The following ZNF625 variants were observed in gnomAD, a reference collection of about 807,000 sequenced individuals.
ZNF625 encodes the protein zinc finger protein 625.
A neutral mutation model predicts 11.1 loss-of-function variants in ZNF625; 8 were observed. That is an observed-to-expected ratio of 0.72 (90% confidence interval 0.42 to 1.30). ZNF625 has a LOEUF of 1.30. Among genes scored for constraint, ZNF625 ranks in the 50% most tolerant of loss-of-function variants. The probability of loss-of-function intolerance (pLI) is 0.01; values close to 1 mark genes in which losing one functional copy is unlikely to be tolerated. For missense variants in ZNF625, 349 were observed against 447.6 expected, an observed-to-expected ratio of 0.78 and a Z score of 1.99; for synonymous variants, 145 against 153.4, an observed-to-expected ratio of 0.95 and a Z score of 0.41.
intron 1 of ZNF625, among the ~76,000 whole-genome samples, chr19:12,154,973 TGGGAGGCGGA>T (rs566085002): frequency 3.3e-4 from 50 of 152,200 alleles, no homozygotes; most frequent in African/African-American, 9.4e-4. Flanking sequence ...CCTAGCACTT[TGGGAGGCGGA>T]GGGAGGCGGA....
chr19:12,146,099 C>A lies in ZNF625; in HGVS notation c.317G>T (p.Ser106Ile). ...CCTATTAAGGGATGCATGACCCACG[C>A]TGACTTCTCCACATGATTTTACTCG... ...TPRVKSCGEV[S>I]VGHASLNRHH... The change falls in exon 4 of 4, where the codon AGC becomes ATC. Residue 106 changes from serine (S) to isoleucine (I), a missense_variant. Physicochemically the swap from Ser to Ile is moderately radical, Grantham distance 142 (BLOSUM62 -2). Coordinates refer to ENST00000439556, the MANE Select transcript of ZNF625 (RefSeq NM_145233.4). The A allele has an allele frequency of 6.2e-7, 1 of 1,614,162 alleles. No individual in the cohort carries two copies. Among genetic ancestry groups the A allele is most frequent in the South Asian group, 1.1e-5 (1 of 91,084 alleles).
At chr19:12,147,866 T>C (rs1181131887) in intron 1 of ZNF625, 64 bp from the exon 2 acceptor site, 1 of 1,577,726 alleles carries the variant, frequency 6.3e-7, no homozygotes, top group East Asian at 2.2e-5. Context: ...TCCTATACTC[T>C]ATTCCTACAA....
At chr19:12,147,358 T>C (rs1244084251) in intron 3 of ZNF625, 37 bp downstream of exon 3, 9 of 1,416,620 alleles carry the variant, frequency 6.4e-6, no homozygotes, top group Admixed American at 4.3e-5. Flanking sequence ...TATGATTGTC[T>C]AGAGAGACAT....
intron 1 of ZNF625, among the ~76,000 whole-genome samples, chr19:12,149,969 C>T (rs1454197219): frequency 6.6e-6 from 1 of 152,142 alleles, no homozygotes; most frequent in Non-Finnish European, 1.5e-5. Context: ...GAACTGCTGA[C>T]ATCAGGTGAT....
At chr19:12,152,550 TAA>T (rs1196985920) in intron 1 of ZNF625, among the ~76,000 whole-genome samples, 4 of 152,036 alleles carry the variant, frequency 2.6e-5, no homozygotes, top group Admixed American at 6.6e-5. Context: ...TTCTTCATGA[TAA>T]AAACACTCGG....
In ZNF625 at chr19:12,156,611, C is replaced by T; in HGVS notation, c.-53G>A. 2.3e-6 allele frequency: 3 copies of T among 1,284,086 alleles called. No individual in the cohort carries two copies. The highest frequency in any genetic ancestry group is 2.0e-6 in the Non-Finnish European group (2 of 1,011,614). 79.5% of individuals were successfully genotyped at this position (1,284,086 alleles called of 1,614,324 possible). A position where few individuals can be genotyped will look rare whatever the true frequency, so the allele number is the denominator to read the frequency against. ...CTCTCCACGGATCCCTCTAACAGTC[C>T]AGTCACAGTGCGGGCGATGGAGCGA... On this transcript the variant is annotated 5_prime_UTR_variant, in exon 1 of 4. Transcript: ENST00000439556.
intron 3 of ZNF625, among the ~76,000 whole-genome samples, chr19:12,146,870 C>T (rs1015235507): frequency 1.3e-5 from 2 of 152,152 alleles, no homozygotes; most frequent in African/African-American, 2.4e-5. Flanking sequence ...TCAAACTCTT[C>T]AGCTCAAGCA....
At position 12,145,222 on chromosome 19, in the gene ZNF625, G is replaced by T; in HGVS notation, c.*75C>A. The T allele has an allele frequency of 1.4e-6, 2 of 1,446,970 alleles. No individual in the cohort carries two copies. The highest frequency in any genetic ancestry group is 1.4e-5 in the South Asian group (1 of 71,866). The allele number at this position is 1,446,970 out of a possible 1,614,324, so 89.6% of individuals were successfully genotyped here. On this transcript the variant is annotated 3_prime_UTR_variant, in exon 4 of 4. Coordinates refer to ENST00000439556, the MANE Select transcript of ZNF625 (RefSeq NM_145233.4). ...TGCAGAAGCTTCAGAATAATTTTGC[G>T]ATGGTTCCCATGATTTGAGGGAAAC...
At position 12,145,512 on chromosome 19, in the gene ZNF625, G is replaced by A; in HGVS notation, c.904C>T (p.Pro302Ser). ...TTCCCACATTGCTTACATTCATAGG[G>A]CTTCTCTCCAGTGTGAGTTCTTTCA... ...YHERTHTGEKPYECKQCGKAF... is the reference protein window; with the variant it reads ...YHERTHTGEKSYECKQCGKAF... The change falls in exon 4 of 4, where the codon CCC (proline) becomes TCC (serine). Residue 302 changes from proline to serine, a missense_variant. Physicochemically the swap from Pro to Ser is moderately conservative, Grantham distance 74. Coordinates refer to ENST00000439556, the MANE Select transcript of ZNF625 (RefSeq NM_145233.4). The A allele has an allele frequency of 6.2e-7, 1 of 1,602,874 alleles. No individual in the cohort carries two copies. Among genetic ancestry groups the A allele is most frequent in the South Asian group, 1.1e-5 (1 of 90,088 alleles).
intron 1 of ZNF625, among the ~76,000 whole-genome samples, chr19:12,155,221 C>CT: frequency 7.8e-6 from 1 of 127,658 alleles, no homozygotes; most frequent in African/African-American, 3.3e-5. Context: ...GAGGCTCCAT[C>CT]TCAAAAAAAA....
At chr19:12,150,686 G>GAA (rs1173068139) in intron 1 of ZNF625, among the ~76,000 whole-genome samples, 9 of 152,114 alleles carry the variant, frequency 5.9e-5, no homozygotes, top group Non-Finnish European at 1.3e-4. Context: ...TTTTACAAGG[G>GAA]ACAGGGACTT....
intron 1 of ZNF625, among the ~76,000 whole-genome samples, chr19:12,155,882 C>T (rs545817272): frequency 1.3e-5 from 2 of 152,204 alleles, no homozygotes; most frequent in South Asian, 2.1e-4. Flanking sequence ...GACAGGGTCT[C>T]GCTCAGTCGC....
rs57893180 is a variant in ZNF625 at position 12,148,623 on chromosome 19, A to ATT, written c.4-823_4-822dup. On this transcript the variant is annotated intron_variant, in intron 1 of 3. Coordinates refer to ENST00000439556, the MANE Select transcript of ZNF625 (RefSeq NM_145233.4). ...GCCTGAAAAAAATAATATAACTACC[A>ATT]TTTTTTTTTTTTTTTTGAGATAGAG... Among the ~76,000 whole-genome samples, 327 of 138,292 alleles carry ATT rather than the reference A, an allele frequency of 2.4e-3. 1 individual carries two copies. The highest frequency in any genetic ancestry group is 3.9e-3 in the Non-Finnish European group (244 of 63,336). 90.7% of individuals were successfully genotyped at this position (138,292 alleles called of 152,430 possible). A position where few individuals can be genotyped will look rare whatever the true frequency, so the allele number is the denominator to read the frequency against.
rs775286035 is a variant in ZNF625, at chr19:12,145,490, C to T, written c.926G>A (p.Gly309Glu). ...GTGCGAGGCAGATCTGAAGGCTTTC[C>T]CACATTGCTTACATTCATAGGGCTT... ...GEKPYECKQC[G>E]KAFRSASHLR... is the part of the protein sequence containing the mutation. Residue 309 changes from glycine to glutamate, a missense_variant, in exon 4 of 4, where the codon GGG becomes GAG. Transcript: ENST00000439556. 1 of 1,613,988 alleles carries T rather than the reference C, an allele frequency of 6.2e-7. No individual in the cohort carries two copies. Among genetic ancestry groups the T allele is most frequent in the South Asian group, 1.1e-5 (1 of 91,066 alleles).
chr19:12,155,012 G>A (rs1312440751), intron 1 of ZNF625, among the ~76,000 whole-genome samples: 1 of 152,078 alleles, frequency 6.6e-6, no homozygotes, highest in African/African-American at 2.4e-5. Flanking sequence ...GATTATTTGA[G>A]GTCAGGAGTT....
intron 1 of ZNF625, among the ~76,000 whole-genome samples, chr19:12,156,022 T>A (rs1977021380): frequency 6.6e-6 from 1 of 152,050 alleles, no homozygotes; most frequent in African/African-American, 2.4e-5. Flanking sequence ...GCTCATTTTT[T>A]AAAAATTTAT....
Position 12,145,693 on chromosome 19 carries a change from G to T in ZNF625, c.723C>A (p.His241Gln). 3.1e-6 allele frequency: 5 copies of T among 1,614,152 alleles called. No individual in the cohort carries two copies. Among genetic ancestry groups the T allele is most frequent in the Non-Finnish European group, 4.2e-6 (5 of 1,180,028 alleles). The change falls in exon 4 of 4, where the codon CAC (histidine) becomes CAA (glutamine). Residue 241 changes from histidine (H) to glutamine (Q), a missense_variant. Transcript: ENST00000439556. ...SGSLRIHERT[H>Q]TGEKPYECSE... ...TGCATTCATAAGGCTTCTCTCCAGT[G>T]TGAGTTCTTTCATGTATTCGAAGGC...
chr19:12,154,761 C>T (rs1364823325), intron 1 of ZNF625, among the ~76,000 whole-genome samples: 1 of 152,180 alleles, frequency 6.6e-6, no homozygotes, highest in African/African-American at 2.4e-5. Flanking sequence ...AGCTCCCCAT[C>T]CCACCCCAAT....
At chr19:12,152,989 C>T (rs571618314) in intron 1 of ZNF625, among the ~76,000 whole-genome samples, 1 of 152,254 alleles carries the variant, frequency 6.6e-6, no homozygotes, top group Admixed American at 6.5e-5. Context: ...GAGACACAGA[C>T]AAGGATGTCT....
Sources: gnomAD v4.1 joint callset for allele counts (sites outside exome capture counted in the v4.1 genomes callset) on GRCh38, gnomAD v4.1.1 for gene constraint, MANE v1.5 for transcripts, NCBI Gene and HGNC (gene_info 2026-07-23, HGNC 2026-07-21) for gene names.